The following TXNIP variants were observed in gnomAD, a reference collection of about 807,000 sequenced individuals.
The protein encoded by TXNIP is thioredoxin interacting protein, also known as thioredoxin-interacting protein.
In TXNIP, 23 loss-of-function variants were observed where a neutral mutation model predicts 43.9. The observed-to-expected ratio is 0.52, with a 90% CI of 0.38 to 0.74. The LOEUF is 0.74. Among genes scored for constraint, TXNIP ranks in the 30% least tolerant of loss-of-function variants. The pLI is 0.00. For missense variants in TXNIP, 555 were observed against 485.4 expected, an observed-to-expected ratio of 1.14 and a Z score of -1.35; for synonymous variants, 234 against 172.2, an observed-to-expected ratio of 1.36 and a Z score of -2.81.
chr1:145,995,252 T>C lies in TXNIP; in HGVS notation c.363A>G (p.Val121=). ...CAAGAAAAGCCTTCACCCAGTAGTCTACACACCCATATTTTCCTTTGAAGG... is the reference window on the plus strand; with the variant it reads ...CAAGAAAAGCCTTCACCCAGTAGTCCACACACCCATATTTTCCTTTGAAGG... ...GTSFKGKYGC[V]DYWVKAFLDR... The change falls in exon 3 of 8, where the codon GTA becomes GTG. Residue 121 remains valine (V), a synonymous_variant. Coordinates refer to ENST00000582401, the MANE Select transcript of TXNIP (RefSeq NM_006472.6). 2 of 1,614,148 alleles carry C rather than the reference T, an allele frequency of 1.2e-6. No homozygotes were observed. The highest frequency in any genetic ancestry group is 1.7e-6 in the Non-Finnish European group (2 of 1,180,024).
rs781820408 is a variant in TXNIP, at chr1:145,994,083, G to A, written c.1073C>T (p.Ser358Phe). The change falls in exon 7 of 8, where the codon TCT becomes TTT. Residue 358 changes from serine (S) to phenylalanine (F), a missense_variant. Ser to Phe is a radical substitution (Grantham distance 155). Coordinates refer to ENST00000582401, the MANE Select transcript of TXNIP (RefSeq NM_006472.6). ...TTPLLDDMDG[S>F]QDSPIFMYAP... ...ATACATAAAGATAGGGCTGTCTTGAGAGCCATCCATGTCATCTAGCAGAGG... is the reference window on the plus strand; with the variant it reads ...ATACATAAAGATAGGGCTGTCTTGAAAGCCATCCATGTCATCTAGCAGAGG... The A allele has an allele frequency of 9.9e-6, 16 of 1,614,062 alleles. No individual in the cohort carries two copies. The highest frequency in any genetic ancestry group is 3.3e-5 in the Admixed American group (2 of 60,000).
At chr1:145,995,103 C>G in intron 3 of TXNIP, 41 bp downstream of exon 3, 2 of 1,613,656 alleles carry the variant, frequency 1.2e-6, no homozygotes, top group African/African-American at 2.7e-5. Context: ...ATTTATCATC[C>G]TCATGACCCA....
chr1:145,995,850 T>G lies in TXNIP; in HGVS notation c.250+167A>C, dbSNP rs184266008. The G allele has an allele frequency of 1.4e-3, 1,222 of 854,374 alleles. 7 individuals are homozygous for G. Among genetic ancestry groups the G allele is most frequent in the East Asian group, 9.9e-3 (378 of 38,230 alleles). 52.9% of individuals were successfully genotyped at this position (854,374 alleles called of 1,614,324 possible). Reference sequence around the variant, plus strand: ...AAATTGTACAAATCACCCTTTTTTTTGGGGGGGGAGGAGAATGTCTGCAAA... The same window carrying G: ...AAATTGTACAAATCACCCTTTTTTTGGGGGGGGGAGGAGAATGTCTGCAAA... On this transcript the variant is annotated intron_variant, in intron 1 of 7. Coordinates refer to ENST00000582401, the MANE Select transcript of TXNIP (RefSeq NM_006472.6).
Position 145,996,332 on chromosome 1 carries a change from G to C in TXNIP, c.-66C>G. 1 of 1,544,018 alleles carries C rather than the reference G, an allele frequency of 6.5e-7. No individual in the cohort carries two copies. The highest frequency in any genetic ancestry group is 8.7e-7 in the Non-Finnish European group (1 of 1,144,058). Reference sequence around the variant, plus strand: ...GAAGAAAAAAAAAGCTCCAAATCGAGGAAACCCCTTTGCAAAAAATTATTT... The same window carrying C: ...GAAGAAAAAAAAAGCTCCAAATCGACGAAACCCCTTTGCAAAAAATTATTT... On this transcript the variant is annotated 5_prime_UTR_variant, in exon 1 of 8. Coordinates refer to ENST00000582401, the MANE Select transcript of TXNIP (RefSeq NM_006472.6).
At position 145,995,495 on chromosome 1, in the gene TXNIP, G is replaced by A; in HGVS notation, c.251-19C>T. On this transcript the variant is annotated intron_variant, in intron 1 of 7. Coordinates refer to ENST00000582401, the MANE Select transcript of TXNIP (RefSeq NM_006472.6). ...TTCTCACCTGAAGGGAAAGAAAATC[G>A]AGTAGCCATTAGGCTTGCTGTTACA... The A allele has an allele frequency of 1.2e-6, 2 of 1,612,558 alleles. No individual in the cohort carries two copies. Among genetic ancestry groups the A allele is most frequent in the Middle Eastern group, 1.6e-4 (1 of 6,062 alleles).
intron 1 of TXNIP, 89 bp downstream of exon 1, chr1:145,995,928 G>A (rs1651494086): frequency 2.7e-6 from 4 of 1,497,650 alleles, no homozygotes; most frequent in East Asian, 2.3e-5. Flanking sequence ...CTCAAACTGA[G>A]CAACTTAAAA....
Position 145,993,134 on chromosome 1 carries a change from T to C in TXNIP, c.*717A>G, listed in dbSNP as rs1553765640. 1 of 152,644 alleles carries C rather than the reference T, an allele frequency of 6.6e-6. No homozygotes were observed. The highest frequency in any genetic ancestry group is 1.5e-5 in the Non-Finnish European group (1 of 68,024). The allele number at this position is 152,644 out of a possible 1,614,324, so 9.5% of individuals were successfully genotyped here. On this transcript the variant is annotated 3_prime_UTR_variant, in exon 8 of 8. Coordinates refer to ENST00000582401, the MANE Select transcript of TXNIP (RefSeq NM_006472.6). ...TCCTCCCATATGAAAATATTTGCAG[T>C]AGGAGAACACAGTGCAATAGGCTCC...
chr1:145,996,061 T>A lies in TXNIP; in HGVS notation c.206A>T (p.Tyr69Phe). The change falls in exon 1 of 8, where the codon TAC (tyrosine) becomes TTC (phenylalanine). Residue 69 changes from tyrosine to phenylalanine, a missense_variant. By Grantham distance (22) the Tyr-to-Phe change is conservative. Transcript: ENST00000582401. ...GSQQCKQTSEYLRYEDTLLLE... is the reference protein window; with the variant it reads ...GSQQCKQTSEFLRYEDTLLLE... ...AAGAAGCGTGTCTTCATAGCGCAGG[T>A]ACTCCGAAGTCTGTTTGCACTGCTG... The A allele has an allele frequency of 6.2e-7, 1 of 1,614,074 alleles. No homozygotes were observed. Among genetic ancestry groups the A allele is most frequent in the Non-Finnish European group, 8.5e-7 (1 of 1,180,042 alleles).
rs1488866389 is a variant in TXNIP at position 145,993,895 on chromosome 1, A to G, written c.1141-9T>C. 1 of 1,614,104 alleles carries G rather than the reference A, an allele frequency of 6.2e-7. No individual in the cohort carries two copies. The highest frequency in any genetic ancestry group is 1.3e-5 in the African/African-American group (1 of 74,936). On this transcript the variant is annotated splice_polypyrimidine_tract_variant and intron_variant, in intron 7 of 7. Transcript: ENST00000582401. ...AGGATGCAGGGATCCACCTAAAGAAAGAAACAGACTATTTCAGTTCAGGTA... is the reference window on the plus strand; with the variant it reads ...AGGATGCAGGGATCCACCTAAAGAAGGAAACAGACTATTTCAGTTCAGGTA...
rs372245117 is a variant in TXNIP, at chr1:145,993,524, G to C, written c.*327C>G. ...AAACCTTGAAAAGCTTACGCCAGGA[G>C]GCCATTTTTACCTGACCCGAAACTA... On this transcript the variant is annotated 3_prime_UTR_variant, in exon 8 of 8. Coordinates refer to ENST00000582401, the MANE Select transcript of TXNIP (RefSeq NM_006472.6). The C allele has an allele frequency of 4.4e-6, 1 of 228,376 alleles. No individual in the cohort carries two copies. The highest frequency in any genetic ancestry group is 8.7e-6 in the Non-Finnish European group (1 of 114,320). 14.1% of individuals were successfully genotyped at this position (228,376 alleles called of 1,614,324 possible).
chr1:145,995,275 A>G lies in TXNIP; in HGVS notation c.340T>C (p.Phe114Leu). Residue 114 changes from phenylalanine to leucine, a missense_variant, in exon 3 of 8, where the codon TTC becomes CTC. Physicochemically the swap from Phe to Leu is conservative, Grantham distance 22. Coordinates refer to ENST00000582401, the MANE Select transcript of TXNIP (RefSeq NM_006472.6). The part of the protein sequence containing the change: ...ELPQGPLGTS[F>L]KGKYGCVDYW... Reference sequence around the variant, plus strand: ...TCTACACACCCATATTTTCCTTTGAAGGATGTTCCCAGAGGCCTGTGTCAA... The same window carrying G: ...TCTACACACCCATATTTTCCTTTGAGGGATGTTCCCAGAGGCCTGTGTCAA... 1.2e-6 allele frequency: 2 copies of G among 1,614,136 alleles called. No homozygotes were observed. Among genetic ancestry groups the G allele is most frequent in the Non-Finnish European group, 1.7e-6 (2 of 1,179,950 alleles).
Position 145,994,763 on chromosome 1 carries a change from T to C in TXNIP, c.612A>G (p.Thr204=), listed in dbSNP as rs150353118. The change falls in exon 5 of 8, where the codon ACA becomes ACG. Residue 204 remains threonine (T), a synonymous_variant. Transcript: ENST00000582401. ...EISIHADFEN[T]CSRIVVPKAA... The stretch of plus-strand genomic sequence containing the variant: ...CTTTGGGGACCACAATTCGGGAACA[T>C]GTATTCTCAAAGTCAGCATGGATGG... 2.8e-5 allele frequency: 45 copies of C among 1,614,186 alleles called. No individual in the cohort carries two copies. In the African/African-American group the frequency reaches 4.3e-4, roughly 15 times the overall value.
Position 145,993,790 on chromosome 1 carries a change from T to C in TXNIP, c.*61A>G. ...ACTGTTGAGTCTCTGAAAAAGTGAG[T>C]GTCCAGGAAGAGAGACAAAAAGAAA... On this transcript the variant is annotated 3_prime_UTR_variant, in exon 8 of 8. Coordinates refer to ENST00000582401, the MANE Select transcript of TXNIP (RefSeq NM_006472.6). 1 of 1,593,776 alleles carries C rather than the reference T, an allele frequency of 6.3e-7. No homozygotes were observed. Among genetic ancestry groups the C allele is most frequent in the Non-Finnish European group, 8.6e-7 (1 of 1,164,196 alleles).
At chr1:145,995,843 T>A in intron 1 of TXNIP, 174 bp downstream of exon 1, 1 of 824,422 alleles carries the variant, frequency 1.2e-6, no homozygotes, top group South Asian at 1.9e-5. Flanking sequence ...CAAATCACCC[T>A]TTTTTTTGGG....
chr1:145,994,946 C>G lies in TXNIP; in HGVS notation c.557G>C (p.Arg186Thr). The G allele has an allele frequency of 6.2e-7, 1 of 1,614,176 alleles. No homozygotes were observed. The highest frequency in any genetic ancestry group is 8.5e-7 in the Non-Finnish European group (1 of 1,180,034). The change falls in exon 4 of 8, where the codon AGA becomes ACA. Residue 186 changes from arginine (R) to threonine (T), a missense_variant. Physicochemically the swap from Arg to Thr is moderately conservative, Grantham distance 71 (BLOSUM62 -1). Coordinates refer to ENST00000582401, the MANE Select transcript of TXNIP (RefSeq NM_006472.6). The stretch of plus-strand genomic sequence containing the variant: ...GATTTTACCTTCACAGAATCCTTTT[C>G]TGTCAATTCGAGCAGAGACAGACAC... Reference protein sequence around the residue: ...GRVSVSARIDRKGFCEGDEIS... With the variant: ...GRVSVSARIDTKGFCEGDEIS...
In TXNIP at chr1:145,995,158, T is replaced by C; in HGVS notation, c.457A>G (p.Thr153Ala). The part of the protein sequence containing the change: ...FEVVDLVDVN[T>A]PDLMAPVSAK... ...ATGGATCTCACCATTAAATCAGGGG[T>C]ATTGACATCCACCAGATCCACTACT... Residue 153 changes from threonine to alanine, a missense_variant, in exon 3 of 8, where the codon ACC becomes GCC. Coordinates refer to ENST00000582401, the MANE Select transcript of TXNIP (RefSeq NM_006472.6). 6.2e-7 allele frequency: 1 copy of C among 1,614,120 alleles called. No individual in the cohort carries two copies. The highest frequency in any genetic ancestry group is 8.5e-7 in the Non-Finnish European group (1 of 1,180,030).
chr1:145,993,722 T>TA lies in TXNIP; in HGVS notation c.*128dup. The TA allele has an allele frequency of 9.5e-7, 1 of 1,047,584 alleles. No homozygotes were observed. The highest frequency in any genetic ancestry group is 1.4e-6 in the Non-Finnish European group (1 of 721,848). The allele number at this position is 1,047,584 out of a possible 1,614,324, so 64.9% of individuals were successfully genotyped here. A position where few individuals can be genotyped will look rare whatever the true frequency, so the allele number is the denominator to read the frequency against. ...ATTGCCTGCTGACCACCTCCTACAT[T>TA]AGGAAGTCAGAGGCTAAGGTGGACC... On this transcript the variant is annotated 3_prime_UTR_variant, in exon 8 of 8. Coordinates refer to ENST00000582401, the MANE Select transcript of TXNIP (RefSeq NM_006472.6).
Position 145,995,035 on chromosome 1 carries a change from T to C in TXNIP, c.472-4A>G, listed in dbSNP as rs1386929471. 5.0e-6 allele frequency: 8 copies of C among 1,613,840 alleles called. No homozygotes were observed. In the Admixed American group the frequency reaches 5.0e-5, roughly 10 times the overall value. ...CTTTTTTAGCAGACACAGGTGCCTA[T>C]ATAGAAGGGGATAAAAAGGTGTTTT... is the stretch of plus-strand genomic sequence containing the variant. On this transcript the variant is annotated splice_region_variant and splice_polypyrimidine_tract_variant and intron_variant, in intron 3 of 7. Transcript: ENST00000582401.
In TXNIP at chr1:145,995,239, T is replaced by TCA; in HGVS notation, c.374_375dup (p.Lys126Ter). On this transcript the variant is annotated frameshift_variant, in exon 3 of 8. Coordinates refer to ENST00000582401, the MANE Select transcript of TXNIP (RefSeq NM_006472.6). LOFTEE classifies it high-confidence loss of function. ...TGGCTCGGGCGGTCAAGAAAAGCCT[T>TCA]CACCCAGTAGTCTACACACCCATAT... The TCA allele has an allele frequency of 6.2e-7, 1 of 1,614,096 alleles. No homozygotes were observed. The highest frequency in any genetic ancestry group is 8.5e-7 in the Non-Finnish European group (1 of 1,180,000).
Sources: gnomAD v4.1 joint callset for allele counts on GRCh38, gnomAD v4.1.1 for gene constraint, MANE v1.5 for transcripts, NCBI Gene and HGNC (gene_info 2026-07-23, HGNC 2026-07-21) for gene names.